MYO10: variants seen among roughly 807,000 people sequenced by gnomAD.
MYO10 encodes the protein unconventional myosin-X.
Under a neutral mutation model 257.3 loss-of-function variants are expected in MYO10, and 133 were observed. That is an observed-to-expected ratio of 0.52 (90% CI 0.45 to 0.60). The LOEUF (loss-of-function observed/expected upper bound fraction) is 0.60, where lower values mean the gene tolerates loss of function less well. Among genes scored for constraint, MYO10 ranks in the 20% least tolerant of loss-of-function variants. The probability of loss-of-function intolerance (pLI) is 0.00; values close to 1 mark genes in which losing one functional copy is unlikely to be tolerated. For synonymous variants in MYO10, 1,104 were observed against 1,028.6 expected, an observed-to-expected ratio of 1.07 and a Z score of -1.40; for missense variants, 2,399 against 2,635.7, an observed-to-expected ratio of 0.91 and a Z score of 1.97.
At chr5:16,680,197 A>C in intron 32 of MYO10, 93 bp from the exon 33 acceptor site, 1 of 1,418,418 alleles carries the variant, frequency 7.1e-7, no homozygotes. Flanking sequence ...AGTCCCTTTA[A>C]TTATTCAATT....
chr5:16,701,382 T>C lies in MYO10; in HGVS notation c.3013A>G (p.Lys1005Glu), dbSNP rs1255138825. The change falls in exon 25 of 41, where the codon AAG becomes GAG. Residue 1005 changes from lysine (K) to glutamate (E), a missense_variant. Coordinates refer to ENST00000513610, the MANE Select transcript of MYO10 (RefSeq NM_012334.3). The surrounding 1 kb of genome is among the most constrained non-coding windows in gnomAD (Gnocchi z 8.1). Reference sequence around the variant, plus strand: ...TGCTCGCTGGGGTTGGGGGAGTCCTTGAAGGCGTCGTCGTCGGCTTCGAAG... The same window carrying C: ...TGCTCGCTGGGGTTGGGGGAGTCCTCGAAGGCGTCGTCGTCGGCTTCGAAG... The part of the protein sequence containing the change: ...EGFEADDDAF[K>E]DSPNPSEHGH... 2 of 1,613,960 alleles carry C rather than the reference T, an allele frequency of 1.2e-6. No individual in the cohort carries two copies. Among genetic ancestry groups the C allele is most frequent in the South Asian group, 2.2e-5 (2 of 91,074 alleles).
chr5:16,913,041 C>T (rs1409247974), intron 1 of MYO10, among the ~76,000 whole-genome samples: 1 of 151,272 alleles, frequency 6.6e-6, no homozygotes, highest in Non-Finnish European at 1.5e-5. Context: ...GTAAAGTTCA[C>T]CAAAAAAGGA....
chr5:16,675,638 T>G (rs1157011831), intron 34 of MYO10, among the ~76,000 whole-genome samples: 1 of 152,100 alleles, frequency 6.6e-6, no homozygotes, highest in Non-Finnish European at 1.5e-5. Flanking sequence ...CTTAGGAGGC[T>G]GAGGCATGAG....
At position 16,670,548 on chromosome 5, in the gene MYO10, C is replaced by A; in HGVS notation, c.5861G>T (p.Gly1954Val). ...MALIKEWPGY[G>V]STLFDVECKE... ...CACCTCCACATCAAACAGCGTCGAG[C>A]CATAGCCAGGCCACTCCTTGATCAA... Residue 1954 changes from glycine to valine, a missense_variant, in exon 39 of 41, where the codon GGC becomes GTC. Coordinates refer to ENST00000513610, the MANE Select transcript of MYO10 (RefSeq NM_012334.3). 2 of 1,611,722 alleles carry A rather than the reference C, an allele frequency of 1.2e-6. No homozygotes were observed. Among genetic ancestry groups the A allele is most frequent in the East Asian group, 4.5e-5 (2 of 44,850 alleles).
intron 10 of MYO10, among the ~76,000 whole-genome samples, 169 bp downstream of exon 10, chr5:16,768,905 G>A (rs1354427648): frequency 6.6e-6 from 1 of 151,724 alleles, no homozygotes; most frequent in Admixed American, 6.6e-5. Context: ...CGAACTCCTG[G>A]GCTCAAGCAA....
chr5:16,723,792 C>A (rs912545269), intron 19 of MYO10, among the ~76,000 whole-genome samples: 7 of 152,108 alleles, frequency 4.6e-5, no homozygotes. Flanking sequence ...GCTATCAAGC[C>A]ACAAAAAGAT....
chr5:16,837,203 G>A (rs998514176), intron 2 of MYO10, among the ~76,000 whole-genome samples: 2 of 152,064 alleles, frequency 1.3e-5, no homozygotes, highest in Admixed American at 1.3e-4. Flanking sequence ...CCAGCTACTT[G>A]GGAGGCTGAA....
intron 19 of MYO10, among the ~76,000 whole-genome samples, chr5:16,732,847 G>C (rs894215220): frequency 6.6e-6 from 1 of 152,168 alleles, no homozygotes; most frequent in Non-Finnish European, 1.5e-5. Context: ...TAACGGTATT[G>C]TAAGAGCTGA....
intron 28 of MYO10, among the ~76,000 whole-genome samples, chr5:16,686,173 A>T (rs890284667): frequency 2.0e-5 from 3 of 152,176 alleles, no homozygotes; most frequent in Non-Finnish European, 4.4e-5. Context: ...TCTACCCAAA[A>T]TACTTATATC....
At chr5:16,866,366 G>GA (rs1479230398) in intron 2 of MYO10, among the ~76,000 whole-genome samples, 3 of 152,174 alleles carry the variant, frequency 2.0e-5, no homozygotes, top group African/African-American at 7.2e-5. Flanking sequence ...AGAGTCACCA[G>GA]AAAAATCCTA....
chr5:16,677,469 G>C (rs1736787911), intron 33 of MYO10, among the ~76,000 whole-genome samples: 1 of 133,162 alleles, frequency 7.5e-6, no homozygotes, highest in African/African-American at 2.8e-5. Context: ...AGGCCGGAGT[G>C]CAGTGGCGCT....
intron 1 of MYO10, among the ~76,000 whole-genome samples, chr5:16,930,895 C>A (rs1746276877): frequency 6.6e-6 from 1 of 152,170 alleles, no homozygotes; most frequent in African/African-American, 2.4e-5. Flanking sequence ...GAGGCTCATT[C>A]TTGAACGTCC....
At chr5:16,791,527 T>C (rs1359830760) in intron 4 of MYO10, among the ~76,000 whole-genome samples, 1 of 144,354 alleles carries the variant, frequency 6.9e-6, no homozygotes, top group Non-Finnish European at 1.5e-5. Flanking sequence ...CCAACCTCCT[T>C]CCGTTTTAAT....
At chr5:16,686,943 G>C (rs1737280136) in intron 28 of MYO10, among the ~76,000 whole-genome samples, 1 of 152,122 alleles carries the variant, frequency 6.6e-6, no homozygotes. Context: ...CTGTTTTAAA[G>C]TAGAAAACTA....
At position 16,701,541 on chromosome 5, in the gene MYO10, C is replaced by CAAT. The variant is rs756364703; in HGVS notation, c.2853_2854insATT (p.Asp951_Glu952insIle). 2 of 1,613,834 alleles carry CAAT rather than the reference C, an allele frequency of 1.2e-6. No individual in the cohort carries two copies. Among genetic ancestry groups the CAAT allele is most frequent in the Non-Finnish European group, 1.7e-6 (2 of 1,179,900 alleles). On this transcript the variant is annotated inframe_insertion, in exon 25 of 41. Coordinates refer to ENST00000513610, the MANE Select transcript of MYO10 (RefSeq NM_012334.3). The surrounding 1 kb of genome is among the most constrained non-coding windows in gnomAD (Gnocchi z 8.1). ...GACCGCTCGATATTCCGGACACACT[C>CAAT]GTCGATCTCGTCGAAATTGAGGGAC... is the stretch of plus-strand genomic sequence containing the variant.
At chr5:16,788,877 A>G (rs144653126) in intron 4 of MYO10, among the ~76,000 whole-genome samples, 1 of 152,316 alleles carries the variant, frequency 6.6e-6, no homozygotes, top group African/African-American at 2.4e-5. Context: ...AAGATGGAAC[A>G]TACTAAAAGA....
intron 1 of MYO10, among the ~76,000 whole-genome samples, chr5:16,906,763 T>A (rs1003889770): frequency 2.7e-4 from 41 of 152,166 alleles, no homozygotes; most frequent in Non-Finnish European, 4.3e-4. Context: ...TCTGCAGTAA[T>A]GTCTCCTGAC....
chr5:16,712,298 C>G (rs1485448254), intron 19 of MYO10, among the ~76,000 whole-genome samples: 3 of 152,226 alleles, frequency 2.0e-5, no homozygotes. Context: ...AGAACCAAGA[C>G]TTAATGCTCT....
In MYO10 at chr5:16,796,418, AAGGAAAAAGAAAGAAAAGAAAGAC is replaced by A. The variant is rs1403386216; in HGVS notation, c.280-1609_280-1586del. 8.6e-3 allele frequency among the ~76,000 whole-genome samples: 1,147 copies of A among 133,648 alleles called. 23 individuals carry two copies. The highest frequency in any genetic ancestry group is 0.034 in the African/African-American group (1,107 of 32,326). The allele number at this position is 133,648 out of a possible 152,430, so 87.7% of individuals were successfully genotyped here. A position where few individuals can be genotyped will look rare whatever the true frequency, so the allele number is the denominator to read the frequency against. ...ACACAAAAGAAAAAGAAAGGAAAGA[AAGGAAAAAGAAAGAAAAGAAAGAC>A]AGAAAGAAAGAAAGAAAGAAAGAAA... On this transcript the variant is annotated intron_variant, in intron 3 of 40. Coordinates refer to ENST00000513610, the MANE Select transcript of MYO10 (RefSeq NM_012334.3).
Sources: gnomAD v4.1 joint callset for allele counts (sites outside exome capture counted in the v4.1 genomes callset) on GRCh38, gnomAD v4.1.1 for gene constraint, Gnocchi (gnomAD v3.1) non-coding constraint, MANE v1.5 for transcripts, NCBI Gene and HGNC (gene_info 2026-07-23, HGNC 2026-07-21) for gene names.